MPP7: variants seen among roughly 807,000 people sequenced by gnomAD.
MPP7 encodes the protein MAGUK p55 scaffold protein 7.
MPP7 carries 60 observed loss-of-function variants against 76.5 expected under a neutral mutation model. The ratio of observed to expected loss-of-function variants is 0.78; its 90% CI spans 0.64 to 0.97. The LOEUF is 0.97. Among genes scored for constraint, MPP7 ranks in the 50% least tolerant of loss-of-function variants. The pLI is 0.00. For missense variants in MPP7, 641 were observed against 694.0 expected, an observed-to-expected ratio of 0.92 and a Z score of 0.86; for synonymous variants, 237 against 244.5, an observed-to-expected ratio of 0.97 and a Z score of 0.29.
At chr10:28,280,994 T>C (rs1840654408) in intron 1 of MPP7, among the ~76,000 whole-genome samples, 1 of 152,052 alleles carries the variant, frequency 6.6e-6, no homozygotes, top group South Asian at 2.1e-4. Context: ...CAGGCCTCAA[T>C]ATGACAGGCT....
chr10:28,228,573 C>CT (rs1303453128), intron 2 of MPP7, among the ~76,000 whole-genome samples: 2 of 152,054 alleles, frequency 1.3e-5, no homozygotes, highest in Non-Finnish European at 2.9e-5. Flanking sequence ...TGAGACTGGC[C>CT]TGGCCAACAT....
At chr10:28,315,722 A>G (rs1390747500) in intron 2 of MPP7, among the ~76,000 whole-genome samples, 1 of 152,226 alleles carries the variant, frequency 6.6e-6, no homozygotes, top group African/African-American at 2.4e-5. Flanking sequence ...AGAGAGGTGA[A>G]GAATACCTCC....
At position 28,051,459 on chromosome 10, in the gene MPP7, G is replaced by A. The variant is rs2133294767; in HGVS notation, c.*2606C>T. On this transcript the variant is annotated 3_prime_UTR_variant, in exon 17 of 17. Coordinates refer to ENST00000683449, the MANE Select transcript of MPP7 (RefSeq NM_001318170.2). The stretch of plus-strand genomic sequence containing the variant: ...TACTTTCACCTTTTTATGTTTGATT[G>A]ACTACAGTCAATAATAGGAGTACAG... 6.6e-6 allele frequency: 1 copy of A among 152,234 alleles called. No individual in the cohort carries two copies. The highest frequency in any genetic ancestry group is 1.5e-5 in the Non-Finnish European group (1 of 67,998). The allele number at this position is 152,234 out of a possible 1,614,324, so 9.4% of individuals were successfully genotyped here. A position where few individuals can be genotyped will look rare whatever the true frequency, so the allele number is the denominator to read the frequency against.
chr10:28,173,648 C>T (rs1277935237), intron 3 of MPP7, among the ~76,000 whole-genome samples: 1 of 152,324 alleles, frequency 6.6e-6, no homozygotes, highest in Middle Eastern at 3.4e-3. Flanking sequence ...CCATCCTCAA[C>T]TATTCCTTTG....
rs1406981759 is a variant in MPP7, at chr10:28,053,117, T to G, written c.*948A>C. On this transcript the variant is annotated 3_prime_UTR_variant, in exon 17 of 17. Coordinates refer to ENST00000683449, the MANE Select transcript of MPP7 (RefSeq NM_001318170.2). ...AATCTTAGAGCAATTTAAAGAGGGGTGATCTATTGCACATAGATGAAAAAT... is the reference window on the plus strand; with the variant it reads ...AATCTTAGAGCAATTTAAAGAGGGGGGATCTATTGCACATAGATGAAAAAT... The G allele has an allele frequency of 6.6e-6, 1 of 152,158 alleles. No individual in the cohort carries two copies. Among genetic ancestry groups the G allele is most frequent in the African/African-American group, 2.4e-5 (1 of 41,442 alleles). The allele number at this position is 152,158 out of a possible 1,614,324, so 9.4% of individuals were successfully genotyped here. A position where few individuals can be genotyped will look rare whatever the true frequency, so the allele number is the denominator to read the frequency against.
At chr10:28,172,912 G>A (rs1214962791) in intron 3 of MPP7, among the ~76,000 whole-genome samples, 1 of 152,140 alleles carries the variant, frequency 6.6e-6, no homozygotes, top group Non-Finnish European at 1.5e-5. Context: ...AACATAAACA[G>A]TGAGTGCTTA....
At chr10:28,299,242 G>C (rs1841097640) in intron 1 of MPP7, among the ~76,000 whole-genome samples, 1 of 152,096 alleles carries the variant, frequency 6.6e-6, no homozygotes, top group Non-Finnish European at 1.5e-5. Flanking sequence ...GTAGCTTTTT[G>C]ATTTAAAGTG....
rs554503345 is a variant in MPP7 at position 28,168,994 on chromosome 10, A to G, written c.157-18935T>C. Among the ~76,000 whole-genome samples, 5 of 152,298 alleles carry G rather than the reference A, an allele frequency of 3.3e-5. No homozygotes were observed. In the South Asian group the frequency reaches 1.0e-3, roughly 32 times the overall value. ...TTTTCTACAGTACTGTCCCAGTTCC[A>G]TAGACTTACAAGTCTGTAACAAGGA... On this transcript the variant is annotated intron_variant, in intron 3 of 16. Transcript: ENST00000683449.
intron 3 of MPP7, among the ~76,000 whole-genome samples, chr10:28,194,375 T>C (rs1338104586): frequency 2.0e-5 from 3 of 152,148 alleles, no homozygotes; most frequent in Non-Finnish European, 4.4e-5. Flanking sequence ...GTGATATTTA[T>C]CCAAATGAGT....
At chr10:28,306,884 C>T (rs1387265150), upstream of MPP7, among the ~76,000 whole-genome samples, 1 of 152,108 alleles carries the variant, frequency 6.6e-6, no homozygotes, top group African/African-American at 2.4e-5. Context: ...AGCAGGTGCT[C>T]TCTCTACACC....
intron 1 of MPP7, among the ~76,000 whole-genome samples, chr10:28,245,254 C>A (rs1037826998): frequency 6.6e-6 from 1 of 152,150 alleles, no homozygotes; most frequent in African/African-American, 2.4e-5. Context: ...TCTCAGCATT[C>A]CACTGGCATT....
upstream of MPP7, among the ~76,000 whole-genome samples, chr10:28,304,648 G>T (rs943649177): frequency 6.6e-6 from 1 of 152,110 alleles, no homozygotes; most frequent in African/African-American, 2.4e-5. Context: ...AGTACTTTGA[G>T]CAAATAGTTT....
chr10:28,156,540 G>A (rs781402085), intron 3 of MPP7, among the ~76,000 whole-genome samples: 18 of 152,138 alleles, frequency 1.2e-4, no homozygotes, highest in Admixed American at 6.6e-5. Flanking sequence ...AACAGTCCAA[G>A]TAAAAAGAGA....
intron 3 of MPP7, among the ~76,000 whole-genome samples, chr10:28,154,478 T>C (rs1324627033): frequency 1.3e-5 from 2 of 152,214 alleles, no homozygotes; most frequent in Admixed American, 6.5e-5. Flanking sequence ...GCAACATCTC[T>C]ACACAGATGC....
intron 1 of MPP7, among the ~76,000 whole-genome samples, chr10:28,268,529 C>A (rs371313763): frequency 6.6e-6 from 1 of 151,970 alleles, no homozygotes; most frequent in Non-Finnish European, 1.5e-5. Context: ...GTAAGGAGTT[C>A]GAGACCAGCC....
At chr10:28,333,415 G>T (rs971150018) in intron 1 of MPP7, among the ~76,000 whole-genome samples, 8 of 152,198 alleles carry the variant, frequency 5.3e-5, no homozygotes, top group African/African-American at 1.9e-4. Flanking sequence ...AAAGTGTTGG[G>T]ATTACAGGCG....
rs1452159954 is a variant in MPP7, at chr10:28,147,533, T to C, written c.265A>G (p.Asn89Asp). The C allele has an allele frequency of 1.2e-6, 2 of 1,614,132 alleles. No individual in the cohort carries two copies. Among genetic ancestry groups the C allele is most frequent in the Non-Finnish European group, 1.7e-6 (2 of 1,179,970 alleles). Residue 89 changes from asparagine to aspartate, a missense_variant, in exon 5 of 17, where the codon AAC becomes GAC. Physicochemically the swap from Asn to Asp is conservative, Grantham distance 23. Coordinates refer to ENST00000683449, the MANE Select transcript of MPP7 (RefSeq NM_001318170.2). ...TTCAACAGCTCTCTGATCTCACTGT[T>C]TAATGGCTTGTTCTGAAGCTCTTCG... ...LAEELQNKPL[N>D]SEIRELLKLL...
At chr10:28,090,964 T>C (rs951134917) in intron 11 of MPP7, among the ~76,000 whole-genome samples, 7 of 152,068 alleles carry the variant, frequency 4.6e-5, no homozygotes, top group African/African-American at 1.7e-4. Context: ...TGGGGCAACA[T>C]GGAGAAACCC....
At chr10:28,107,239 C>G (rs1432207394) in intron 11 of MPP7, among the ~76,000 whole-genome samples, 1 of 152,102 alleles carries the variant, frequency 6.6e-6, no homozygotes, top group African/African-American at 2.4e-5. Context: ...TACAGCTAAC[C>G]CTTGGTGCCC....
Sources: allele counts gnomAD v4.1 joint callset (sites outside exome capture counted in the v4.1 genomes callset), GRCh38; gene constraint gnomAD v4.1.1; transcripts MANE v1.5; gene names NCBI Gene and HGNC (gene_info 2026-07-23, HGNC 2026-07-21).